Variants in CHRM3 observed in about 807,000 individuals in gnomAD.
The protein encoded by CHRM3 is muscarinic acetylcholine receptor M3.
Under a neutral mutation model 41.8 loss-of-function variants are expected in CHRM3, and 11 were observed. The ratio of observed to expected loss-of-function variants is 0.26; its 90% CI spans 0.17 to 0.44. The LOEUF (loss-of-function observed/expected upper bound fraction) is 0.44. Among genes scored for constraint, CHRM3 ranks in the 20% least tolerant of loss-of-function variants. The probability of loss-of-function intolerance (pLI) is 1.00; values close to 1 mark genes in which losing one functional copy is unlikely to be tolerated. For synonymous variants in CHRM3, 297 were observed against 301.4 expected (o/e 0.99, Z 0.15); for missense variants, 571 against 745.4 (o/e 0.77, Z 2.72).
rs550798063 is a variant in CHRM3 at position 239,621,862 on chromosome 1, C to T, written c.-312-10362C>T. Among the ~76,000 whole-genome samples the T allele has an allele frequency of 1.2e-4, 18 of 145,820 alleles. No individual in the cohort carries two copies. The East Asian group carries it at 3.2e-3, about 26-fold the overall frequency. On this transcript the variant is annotated intron_variant, in intron 3 of 6. Transcript: ENST00000676153. Reference sequence around the variant, plus strand: ...TAAACATCAGATTTTCAGTGTAGATCGACCAGCCTTCTGCTGGAAGAAGAT... The same window carrying T: ...TAAACATCAGATTTTCAGTGTAGATTGACCAGCCTTCTGCTGGAAGAAGAT...
chr1:239,506,583 C>A (rs532700405), intron 2 of CHRM3, among the ~76,000 whole-genome samples: 1 of 152,322 alleles, frequency 6.6e-6, no homozygotes, highest in African/African-American at 2.4e-5. Context: ...CCCTCATGGA[C>A]AACTTCTGCT....
chr1:239,552,527 G>A (rs559971678), intron 3 of CHRM3, among the ~76,000 whole-genome samples: 320 of 142,024 alleles, frequency 2.3e-3, no homozygotes, highest in African/African-American at 8.2e-3. Flanking sequence ...ATATATAAAC[G>A]ATAAGCTCAC....
intron 3 of CHRM3, among the ~76,000 whole-genome samples, chr1:239,620,846 A>G (rs572023692): frequency 3.9e-5 from 6 of 152,298 alleles, no homozygotes; most frequent in African/African-American, 1.4e-4. Context: ...TGAGAAATAT[A>G]TAGTACTGTT....
At chr1:239,463,584 G>A (rs923611989) in intron 1 of CHRM3, among the ~76,000 whole-genome samples, 1 of 151,988 alleles carries the variant, frequency 6.6e-6, no homozygotes, top group African/African-American at 2.4e-5. Context: ...ATTTTCAAAG[G>A]AAATTGTGAA....
At chr1:239,766,736 G>T (rs1306390357) in intron 5 of CHRM3, among the ~76,000 whole-genome samples, 1 of 143,176 alleles carries the variant, frequency 7.0e-6, no homozygotes, top group Non-Finnish European at 1.5e-5. Context: ...CTTTGAGACA[G>T]AATCTTGCTC....
At chr1:239,864,235 G>A (rs1014689567) in intron 6 of CHRM3, among the ~76,000 whole-genome samples, 3 of 152,156 alleles carry the variant, frequency 2.0e-5, no homozygotes, top group Admixed American at 2.0e-4. Context: ...GGCCGGGCAT[G>A]GTGGCTCATG....
At chr1:239,430,728 A>G (rs929086816) in intron 1 of CHRM3, among the ~76,000 whole-genome samples, 1 of 151,738 alleles carries the variant, frequency 6.6e-6, no homozygotes, top group Non-Finnish European at 1.5e-5. Flanking sequence ...TGCACACATC[A>G]AGATATCTAC....
At chr1:239,893,849 A>G (rs1320263985) in intron 6 of CHRM3, among the ~76,000 whole-genome samples, 3 of 152,024 alleles carry the variant, frequency 2.0e-5, no homozygotes, top group Non-Finnish European at 4.4e-5. Context: ...ATCTCACAAT[A>G]GTTTTTAATC....
chr1:239,405,549 C>G (rs372959823), intron 1 of CHRM3, among the ~76,000 whole-genome samples: 4 of 152,056 alleles, frequency 2.6e-5, no homozygotes, highest in African/African-American at 9.7e-5. Context: ...GAGGTCTTCT[C>G]TAGGCTTCAC....
At chr1:239,447,724 T>G (rs1664252877) in intron 1 of CHRM3, among the ~76,000 whole-genome samples, 1 of 152,080 alleles carries the variant, frequency 6.6e-6, no homozygotes, top group Non-Finnish European at 1.5e-5. Context: ...TGCGGTGAGC[T>G]GAGATTGCAC....
chr1:239,838,086 T>G (rs1673476640), intron 6 of CHRM3, among the ~76,000 whole-genome samples: 1 of 152,148 alleles, frequency 6.6e-6, no homozygotes, highest in South Asian at 2.1e-4. Context: ...GAATTGAATC[T>G]TAAAGGCCAG....
At chr1:239,576,255 A>G (rs1662321838) in intron 3 of CHRM3, among the ~76,000 whole-genome samples, 1 of 141,346 alleles carries the variant, frequency 7.1e-6, no homozygotes, top group East Asian at 2.4e-4. Context: ...GACTTCCTAA[A>G]CCCTCTACTC....
intron 1 of CHRM3, among the ~76,000 whole-genome samples, chr1:239,392,711 A>G (rs1039242442): frequency 6.6e-6 from 1 of 152,222 alleles, no homozygotes; most frequent in Non-Finnish European, 1.5e-5. Context: ...CTAATTTACC[A>G]TAGGTAGCTA....
chr1:239,800,507 T>G (rs1377766671), intron 5 of CHRM3, among the ~76,000 whole-genome samples: 1 of 152,234 alleles, frequency 6.6e-6, no homozygotes, highest in Non-Finnish European at 1.5e-5. Flanking sequence ...TCAATGATTC[T>G]CAACTTAAAC....
intron 5 of CHRM3, among the ~76,000 whole-genome samples, chr1:239,813,900 GA>G (rs1447568531): frequency 2.1e-5 from 2 of 95,068 alleles, no homozygotes; most frequent in Non-Finnish European, 3.8e-5. Flanking sequence ...CTGGGCGACA[GA>G]GCGAGACTCC....
At chr1:239,637,722 T>A (rs1356244832) in intron 4 of CHRM3, among the ~76,000 whole-genome samples, 2 of 149,594 alleles carry the variant, frequency 1.3e-5, no homozygotes, top group African/African-American at 4.9e-5. Flanking sequence ...TTTTTTTTTT[T>A]TTGGGGAATT....
chr1:239,521,522 T>C (rs1231428169), intron 2 of CHRM3, among the ~76,000 whole-genome samples: 3 of 152,244 alleles, frequency 2.0e-5, no homozygotes, highest in African/African-American at 7.2e-5. Context: ...ACAATGAATA[T>C]AAATATGCAA....
chr1:239,489,641 G>GT (rs1249700138), intron 1 of CHRM3, among the ~76,000 whole-genome samples: 1 of 152,064 alleles, frequency 6.6e-6, no homozygotes, highest in African/African-American at 2.4e-5. Context: ...GATACTTTAT[G>GT]TTTTTTGCTA....
At chr1:239,826,921 T>A (rs1558157846) in intron 5 of CHRM3, 1 of 152,110 alleles carries the variant, frequency 6.6e-6, no homozygotes, top group Non-Finnish European at 1.5e-5. Context: ...GCAATATATG[T>A]GAGGAGACAA....
Sources: allele counts gnomAD v4.1 joint callset (sites outside exome capture counted in the v4.1 genomes callset), GRCh38; gene constraint gnomAD v4.1.1; transcripts MANE v1.5; gene names NCBI Gene and HGNC (gene_info 2026-07-23, HGNC 2026-07-21).